MACROH2A1: variants seen among roughly 807,000 people sequenced by gnomAD.
MACROH2A1 encodes macroH2A.1 histone.
A neutral mutation model predicts 31.6 loss-of-function variants in MACROH2A1; 2 were observed. The observed-to-expected ratio is 0.06, with a 90% CI of 0.03 to 0.20. The LOEUF is 0.20. MACROH2A1 is among the 10% of genes least tolerant of loss of function. The probability of loss-of-function intolerance (pLI) is 1.00; values close to 1 mark genes in which losing one functional copy is unlikely to be tolerated. For synonymous variants in MACROH2A1, 169 were observed against 189.6 expected (o/e 0.89, Z 0.89); for missense variants, 230 against 474.0 (o/e 0.49, Z 4.78).
chr5:135,392,536 C>G (rs1216370678), intron 1 of MACROH2A1, among the ~76,000 whole-genome samples: 2 of 152,318 alleles, frequency 1.3e-5, no homozygotes, highest in East Asian at 1.9e-4. Context: ...AGCCATGAAG[C>G]CTTATGACAT....
intron 6 of MACROH2A1, chr5:135,346,338 C>T (rs1760835265): frequency 2.4e-6 from 1 of 420,544 alleles, no homozygotes. Context: ...GTGAAAGAGA[C>T]AGGACATGCT....
chr5:135,346,861 G>A (rs1760902662), intron 6 of MACROH2A1: 1 of 152,196 alleles, frequency 6.6e-6, no homozygotes, highest in Non-Finnish European at 1.5e-5. Context: ...ATCAGTTCCT[G>A]CTGTGAAAAC....
chr5:135,392,266 G>A (rs762155073), intron 1 of MACROH2A1, among the ~76,000 whole-genome samples: 9 of 152,124 alleles, frequency 5.9e-5, no homozygotes, highest in Non-Finnish European at 1.2e-4. Flanking sequence ...CAAGCCATTC[G>A]ATGTGAAGCA....
rs1292785194 is a variant in MACROH2A1, at chr5:135,399,038, C to G, written c.-34+24G>C. 1 of 150,150 alleles carries G rather than the reference C, an allele frequency of 6.7e-6. No individual in the cohort carries two copies. The highest frequency in any genetic ancestry group is 1.5e-5 in the Non-Finnish European group (1 of 67,352). 9.3% of individuals were successfully genotyped at this position (150,150 alleles called of 1,614,324 possible). A position where few individuals can be genotyped will look rare whatever the true frequency, so the allele number is the denominator to read the frequency against. ...CGAGCGGCGGGGACAGGGAGTGCGG[C>G]AAGGGGGCCCGCGCGGCACTTACGC... On this transcript the variant is annotated intron_variant, in intron 1 of 8. Coordinates refer to ENST00000511689, the MANE Select transcript of MACROH2A1 (RefSeq NM_138610.3). This position sits in a 1 kb window ranked among gnomAD's most constrained non-coding sequence, Gnocchi z 4.5.
intron 1 of MACROH2A1, among the ~76,000 whole-genome samples, chr5:135,394,295 C>A (rs1004061768): frequency 6.6e-6 from 1 of 152,188 alleles, no homozygotes; most frequent in Non-Finnish European, 1.5e-5. Context: ...CTACTGGTCC[C>A]AATACCTTCC....
intron 5 of MACROH2A1, chr5:135,359,716 A>AT: frequency 2.0e-6 from 2 of 976,860 alleles, no homozygotes; most frequent in Non-Finnish European, 2.4e-6. Flanking sequence ...CTAAACACAG[A>AT]TTAACTTGGA....
rs183356040 is a variant in MACROH2A1, at chr5:135,369,176, C to G, written c.477+230G>C. On this transcript the variant is annotated intron_variant, in intron 4 of 8. Transcript: ENST00000511689. The surrounding 1 kb of genome is among the most constrained non-coding windows in gnomAD (Gnocchi z 4.3). ...GAAAGCCCACCACCCATCCCCCTTG[C>G]CTACAGAGGTTCTGTCCTTCAACTG... Among the ~76,000 whole-genome samples, 1 of 152,332 alleles carries G rather than the reference C, an allele frequency of 6.6e-6. No individual in the cohort carries two copies. The highest frequency in any genetic ancestry group is 1.9e-4 in the East Asian group (1 of 5,182).
At chr5:135,346,152 T>A in intron 6 of MACROH2A1, 95 bp from the exon 7 acceptor site, 1 of 794,698 alleles carries the variant, frequency 1.3e-6, no homozygotes, top group Non-Finnish European at 2.3e-6. Context: ...TCAAATGATC[T>A]ATTAAATTTC....
chr5:135,378,879 C>T (rs1332628756), intron 2 of MACROH2A1, among the ~76,000 whole-genome samples: 1 of 152,130 alleles, frequency 6.6e-6, no homozygotes, highest in East Asian at 1.9e-4. Flanking sequence ...TATTACAAGC[C>T]ACAGTTAGAA....
rs1763897750 is a variant in MACROH2A1, at chr5:135,369,309, G to A, written c.477+97C>T. 2 of 955,846 alleles carry A rather than the reference G, an allele frequency of 2.1e-6. No homozygotes were observed. The highest frequency in any genetic ancestry group is 1.4e-5 in the South Asian group (1 of 71,284). The allele number at this position is 955,846 out of a possible 1,614,324, so 59.2% of individuals were successfully genotyped here. A position where few individuals can be genotyped will look rare whatever the true frequency, so the allele number is the denominator to read the frequency against. ...TCCTCCTTTATTCTCCCATCAGTGG[G>A]ATGAGCCCACAGGGGGAATGAGGGG... On this transcript the variant is annotated intron_variant, in intron 4 of 8. Transcript: ENST00000511689. This position sits in a 1 kb window ranked among gnomAD's most constrained non-coding sequence, Gnocchi z 4.3.
chr5:135,359,795 T>C, intron 5 of MACROH2A1: 1 of 950,644 alleles, frequency 1.1e-6, no homozygotes, highest in South Asian at 4.9e-5. Context: ...AATTCTTTCT[T>C]CCCACCCCTT....
At chr5:135,338,045 C>A in intron 8 of MACROH2A1, 1 of 1,117,684 alleles carries the variant, frequency 8.9e-7, no homozygotes, top group East Asian at 7.7e-5. Context: ...TCTGGTGGGC[C>A]TCAAAATGTC....
At chr5:135,338,366 G>A (rs1275066981) in intron 8 of MACROH2A1, among the ~76,000 whole-genome samples, 1 of 152,250 alleles carries the variant, frequency 6.6e-6, no homozygotes, top group Non-Finnish European at 1.5e-5. Context: ...ACAAGAAAAT[G>A]CAAAGCACCG....
At chr5:135,355,408 C>G in intron 5 of MACROH2A1, 1 of 379,658 alleles carries the variant, frequency 2.6e-6, no homozygotes, top group South Asian at 2.0e-5. Flanking sequence ...TTTCACTCTT[C>G]ACATCTGTGG....
In MACROH2A1 at chr5:135,343,461, CAGTG is replaced by C. The variant is rs755519518; in HGVS notation, c.779-31_779-28del. On this transcript the variant is annotated intron_variant, in intron 7 of 8. Transcript: ENST00000511689. The stretch of plus-strand genomic sequence containing the variant: ...TAGTGGTGCGGGGATGAAACAGAAA[CAGTG>C]AGCTCTGGTTCACTGCAAAGCACAA... 8.1e-6 allele frequency: 13 copies of C among 1,611,222 alleles called. No homozygotes were observed. The East Asian group carries it at 2.5e-4, about 30-fold the overall frequency.
chr5:135,364,892 C>T (rs1763304627), intron 4 of MACROH2A1, among the ~76,000 whole-genome samples: 1 of 152,166 alleles, frequency 6.6e-6, no homozygotes, highest in African/African-American at 2.4e-5. Flanking sequence ...GAGAAAGAGG[C>T]ACTCTACTAA....
At chr5:135,373,062 G>T (rs187155411) in intron 2 of MACROH2A1, among the ~76,000 whole-genome samples, 113 of 152,312 alleles carry the variant, frequency 7.4e-4, no homozygotes, top group Non-Finnish European at 1.4e-3. Flanking sequence ...GACCTGTTTT[G>T]CTAAGTCCTA....
chr5:135,353,064 G>C lies in MACROH2A1; in HGVS notation c.589-19C>G. The C allele has an allele frequency of 6.7e-7, 1 of 1,491,404 alleles. No homozygotes were observed. The highest frequency in any genetic ancestry group is 9.4e-7 in the Non-Finnish European group (1 of 1,067,846). The allele number at this position is 1,491,404 out of a possible 1,614,324, so 92.4% of individuals were successfully genotyped here. A position where few individuals can be genotyped will look rare whatever the true frequency, so the allele number is the denominator to read the frequency against. On this transcript the variant is annotated intron_variant, in intron 5 of 8. Coordinates refer to ENST00000511689, the MANE Select transcript of MACROH2A1 (RefSeq NM_138610.3). ...GGTTCAGCTGCAAAGAAAAGCATGA[G>C]GTGGGAAATAACAGGAGAGCTGGGA... is the stretch of plus-strand genomic sequence containing the variant.
At chr5:135,347,956 C>T (rs1761057880) in intron 6 of MACROH2A1, among the ~76,000 whole-genome samples, 1 of 152,238 alleles carries the variant, frequency 6.6e-6, no homozygotes, top group Non-Finnish European at 1.5e-5. Context: ...TGATTACCAA[C>T]TCCTTTCTAA....
Sources: gnomAD v4.1 joint callset for allele counts (sites outside exome capture counted in the v4.1 genomes callset) on GRCh38, gnomAD v4.1.1 for gene constraint, Gnocchi (gnomAD v3.1) non-coding constraint, MANE v1.5 for transcripts, NCBI Gene and HGNC (gene_info 2026-07-23, HGNC 2026-07-21) for gene names.